The following REV3L variants were observed in gnomAD, a reference collection of about 807,000 sequenced individuals.
REV3L encodes the protein DNA polymerase zeta catalytic subunit.
REV3L carries 69 observed loss-of-function variants against 299.4 expected under a neutral mutation model. The observed-to-expected ratio is 0.23, with a 90% CI of 0.19 to 0.28. The LOEUF (loss-of-function observed/expected upper bound fraction) is 0.28, where lower values mean the gene tolerates loss of function less well. REV3L is among the 10% of genes least tolerant of loss of function. REV3L has a pLI of 1.00. For missense variants in REV3L, 3,128 were observed against 3,693.8 expected (o/e 0.85, Z 3.97); for synonymous variants, 1,238 against 1,271.4 (o/e 0.97, Z 0.56).
intron 1 of REV3L, among the ~76,000 whole-genome samples, chr6:111,482,010 A>C (rs1475771451): frequency 1.3e-5 from 2 of 152,130 alleles, no homozygotes; most frequent in Admixed American, 1.3e-4. Flanking sequence ...AATTCACCCC[A>C]TTAAGTGTGA....
intron 1 of REV3L, among the ~76,000 whole-genome samples, chr6:111,478,021 A>G (rs544136518): frequency 6.6e-6 from 1 of 152,356 alleles, no homozygotes; most frequent in East Asian, 1.9e-4. Context: ...GGGTCAAAAA[A>G]GAACACTTCA....
At chr6:111,410,108 C>T (rs1041578765) in intron 3 of REV3L, among the ~76,000 whole-genome samples, 1 of 152,104 alleles carries the variant, frequency 6.6e-6, no homozygotes, top group Non-Finnish European at 1.5e-5. Flanking sequence ...GGGAGGCTAA[C>T]GTGGGAAGAT....
chr6:111,333,143 G>A lies in REV3L; in HGVS notation c.7905C>T (p.Gly2635=). The part of the protein sequence containing the change: ...AYNYCFSTCL[G]HVENLGKYDE... ...CTTACTTTCCCAAGTTCTCCACATG[G>A]CCAAGGCAGGTGGAAAAGCAGTAGT... The change falls in exon 23 of 32, where the codon GGC becomes GGT. Residue 2635 remains glycine (G), a synonymous_variant. Coordinates refer to ENST00000368802, the MANE Select transcript of REV3L (RefSeq NM_001372078.1). The A allele has an allele frequency of 1.2e-6, 2 of 1,613,994 alleles. No individual in the cohort carries two copies. The highest frequency in any genetic ancestry group is 1.7e-6 in the Non-Finnish European group (2 of 1,179,974).
chr6:111,405,266 A>T (rs1344618819), intron 4 of REV3L, among the ~76,000 whole-genome samples: 4 of 152,138 alleles, frequency 2.6e-5, no homozygotes, highest in Admixed American at 2.6e-4. Flanking sequence ...TTATAACTCA[A>T]TAAAGCTGTT....
chr6:111,303,161 C>CTT (rs1192743753), intron 31 of REV3L, among the ~76,000 whole-genome samples: 19 of 55,518 alleles, frequency 3.4e-4, no homozygotes, highest in African/African-American at 1.2e-3. Flanking sequence ...GCTTTCTTTT[C>CTT]TTTCTTTTTT....
chr6:111,372,273 T>C (rs1009783502), intron 13 of REV3L, among the ~76,000 whole-genome samples: 3 of 152,204 alleles, frequency 2.0e-5, no homozygotes, highest in African/African-American at 2.4e-5. Flanking sequence ...ACAATGATCA[T>C]TGTAATCCTT....
At chr6:111,448,361 C>A (rs1333540284) in intron 1 of REV3L, among the ~76,000 whole-genome samples, 1 of 150,920 alleles carries the variant, frequency 6.6e-6, no homozygotes, top group Non-Finnish European at 1.5e-5. Context: ...TTTTTTGAGA[C>A]AAGGTCTCGC....
upstream of REV3L, chr6:111,483,435 C>T: frequency 2.3e-6 from 1 of 428,536 alleles, no homozygotes; most frequent in South Asian, 3.1e-5. Flanking sequence ...GGATCGATGA[C>T]TCGGCTGGCG....
rs552559533 is a variant in REV3L, at chr6:111,318,510, C to T, written c.8352-3129G>A. Reference sequence around the variant, plus strand: ...AGTGTATGTTGAACTTCATGTGCAACTGCCAACTTTTTATGAAAGATTATT... The same window carrying T: ...AGTGTATGTTGAACTTCATGTGCAATTGCCAACTTTTTATGAAAGATTATT... On this transcript the variant is annotated intron_variant, in intron 26 of 31. Transcript: ENST00000368802. 2.0e-5 allele frequency among the ~76,000 whole-genome samples: 3 copies of T among 152,264 alleles called. No homozygotes were observed. The East Asian group carries it at 5.8e-4, about 29-fold the overall frequency.
At chr6:111,380,351 C>G in intron 10 of REV3L, 132 bp from the exon 11 acceptor site, 3 of 636,266 alleles carry the variant, frequency 4.7e-6, no homozygotes, top group Non-Finnish European at 8.1e-6. Context: ...GCTCTGCCTC[C>G]TGGGTTCATG....
intron 1 of REV3L, among the ~76,000 whole-genome samples, chr6:111,435,953 T>G (rs1282002889): frequency 6.6e-6 from 1 of 151,874 alleles, no homozygotes; most frequent in Non-Finnish European, 1.5e-5. Flanking sequence ...CTCAAACAAC[T>G]CAATAACAAC....
intron 2 of REV3L, among the ~76,000 whole-genome samples, chr6:111,415,933 TG>T (rs1784721098): frequency 6.6e-6 from 1 of 152,208 alleles, no homozygotes. Flanking sequence ...AACTTCCACA[TG>T]GGCAGGGCTC....
At chr6:111,305,576 G>T (rs1772188272) in intron 31 of REV3L, among the ~76,000 whole-genome samples, 1 of 151,806 alleles carries the variant, frequency 6.6e-6, no homozygotes, top group African/African-American at 2.4e-5. Context: ...GACAAAGTGA[G>T]ACCCTACCTC....
chr6:111,326,055 CATA>C (rs1161138651), intron 25 of REV3L, among the ~76,000 whole-genome samples: 1 of 152,118 alleles, frequency 6.6e-6, no homozygotes, highest in Non-Finnish European at 1.5e-5. Context: ...TTTCACTTAG[CATA>C]ATGTCCTTCA....
intron 26 of REV3L, among the ~76,000 whole-genome samples, chr6:111,321,039 T>C (rs1444636404): frequency 1.3e-5 from 2 of 152,182 alleles, no homozygotes; most frequent in African/African-American, 4.8e-5. Context: ...AATCATATAA[T>C]AACTATAAAA....
Position 111,356,969 on chromosome 6 carries a change from G to T in REV3L, c.7184+45C>A. 3 of 1,042,386 alleles carry T rather than the reference G, an allele frequency of 2.9e-6. No homozygotes were observed. In the South Asian group the frequency reaches 4.9e-5, roughly 17 times the overall value. The allele number at this position is 1,042,386 out of a possible 1,614,324, so 64.6% of individuals were successfully genotyped here. On this transcript the variant is annotated intron_variant, in intron 18 of 31. Transcript: ENST00000368802. ...ACTATTATCTGCAATAGCATGAAAC[G>T]ACTCTCTGAATAAAACTGGAAAAAT...
intron 1 of REV3L, among the ~76,000 whole-genome samples, chr6:111,440,676 T>C (rs950654564): frequency 1.3e-5 from 2 of 152,220 alleles, no homozygotes; most frequent in African/African-American, 4.8e-5. Flanking sequence ...TTATTCCTTT[T>C]CTAATACTCT....
chr6:111,403,575 G>A (rs540698839), intron 4 of REV3L, among the ~76,000 whole-genome samples: 41 of 152,072 alleles, frequency 2.7e-4, no homozygotes, highest in African/African-American at 3.9e-4. Context: ...ACAATAAACC[G>A]TGCCCATAAA....
At chr6:111,420,287 A>C (rs1194832432) in intron 1 of REV3L, among the ~76,000 whole-genome samples, 10 of 152,228 alleles carry the variant, frequency 6.6e-5, no homozygotes, top group Non-Finnish European at 1.5e-4. Context: ...ATACAACATG[A>C]AACTTTGATA....
Sources: allele counts gnomAD v4.1 joint callset (sites outside exome capture counted in the v4.1 genomes callset), GRCh38; gene constraint gnomAD v4.1.1; transcripts MANE v1.5; gene names NCBI Gene and HGNC (gene_info 2026-07-23, HGNC 2026-07-21).